ALK: variants seen among roughly 807,000 people sequenced by gnomAD.
The protein encoded by ALK is ALK receptor tyrosine kinase.
A neutral mutation model predicts 163.1 loss-of-function variants in ALK; 74 were observed. The ratio of observed to expected loss-of-function variants is 0.45; its 90% CI spans 0.38 to 0.55. ALK has a LOEUF of 0.55. Ranked by LOEUF, ALK falls within the 20% of genes least tolerant of loss-of-function variation. The pLI is 0.00. For synonymous variants in ALK, 960 were observed against 843.2 expected, an observed-to-expected ratio of 1.14 and a Z score of -2.40; for missense variants, 2,063 against 2,105.3, an observed-to-expected ratio of 0.98 and a Z score of 0.39.
At chr2:29,247,849 CCTTT>C (rs976848789) in intron 12 of ALK, among the ~76,000 whole-genome samples, 26 of 152,248 alleles carry the variant, frequency 1.7e-4, no homozygotes, top group African/African-American at 6.0e-4. Context: ...TCGGCTCCCA[CCTTT>C]CTGTTTCCAA....
chr2:29,814,024 C>T (rs111703547), intron 1 of ALK, among the ~76,000 whole-genome samples: 2,100 of 152,260 alleles, frequency 0.014, 46 homozygotes, highest in African/African-American at 0.048. Context: ...TGATTTCTCC[C>T]ACAGTGGTAC....
At chr2:29,347,989 G>T (rs1668001134) in intron 5 of ALK, among the ~76,000 whole-genome samples, 1 of 152,178 alleles carries the variant, frequency 6.6e-6, no homozygotes, top group Non-Finnish European at 1.5e-5. Flanking sequence ...AAGAACCTCT[G>T]CCATGAGGGT....
chr2:29,783,843 T>A (rs1004217515), intron 1 of ALK, among the ~76,000 whole-genome samples: 1 of 152,136 alleles, frequency 6.6e-6, no homozygotes, highest in Non-Finnish European at 1.5e-5. Context: ...GACAAAGTGT[T>A]GTTACGGAGC....
chr2:29,563,585 A>G (rs1253644315), intron 3 of ALK, among the ~76,000 whole-genome samples: 3 of 152,208 alleles, frequency 2.0e-5, no homozygotes, highest in Admixed American at 6.5e-5. Flanking sequence ...TTTGTAACAT[A>G]CAAACCAAGA....
At chr2:29,540,576 TTA>T (rs564615227) in intron 3 of ALK, among the ~76,000 whole-genome samples, 2,055 of 115,314 alleles carry the variant, frequency 0.018, 47 homozygotes, top group African/African-American at 0.062. Context: ...AAGAGAAGAA[TTA>T]TGTTTTTTTT....
At chr2:29,448,129 CT>C (rs1227210958) in intron 4 of ALK, among the ~76,000 whole-genome samples, 1 of 152,176 alleles carries the variant, frequency 6.6e-6, no homozygotes, top group Non-Finnish European at 1.5e-5. Context: ...ACCATACTGA[CT>C]TTTTTTCCTT....
chr2:29,421,723 G>C (rs1002567285), intron 4 of ALK, among the ~76,000 whole-genome samples: 2 of 151,488 alleles, frequency 1.3e-5, no homozygotes, highest in Non-Finnish European at 2.9e-5. Flanking sequence ...AGAGACCAGA[G>C]TGTCTGCTTC....
At chr2:29,713,143 T>C (rs1679156303) in intron 2 of ALK, among the ~76,000 whole-genome samples, 1 of 152,224 alleles carries the variant, frequency 6.6e-6, no homozygotes, top group African/African-American at 2.4e-5. Flanking sequence ...CACATCACTC[T>C]AATTTCTGAT....
intron 2 of ALK, among the ~76,000 whole-genome samples, chr2:29,705,629 A>G (rs1214639005): frequency 6.6e-6 from 1 of 152,100 alleles, no homozygotes; most frequent in Non-Finnish European, 1.5e-5. Context: ...CAGGCTCCCA[A>G]GTTGGAAATT....
intron 7 of ALK, among the ~76,000 whole-genome samples, chr2:29,319,475 G>A (rs1192981096): frequency 1.3e-5 from 2 of 152,186 alleles, no homozygotes; most frequent in Non-Finnish European, 2.9e-5. Flanking sequence ...GCAGGCAGGC[G>A]GGTCACAATT....
intron 3 of ALK, among the ~76,000 whole-genome samples, chr2:29,578,280 C>A (rs1411987015): frequency 6.6e-6 from 1 of 152,194 alleles, no homozygotes; most frequent in Non-Finnish European, 1.5e-5. Context: ...TGAGGCCTCC[C>A]CAGCCATCTG....
In ALK at chr2:29,695,064, C is replaced by T. The variant is rs1178534121; in HGVS notation, c.788-50G>A. On this transcript the variant is annotated intron_variant, in intron 2 of 28. Coordinates refer to ENST00000389048, the MANE Select transcript of ALK (RefSeq NM_004304.5). Reference sequence around the variant, plus strand: ...GGAAAAAACCATTTCCCAAACGTGACTTTTCAGCCCCCTCCACTCCACACT... The same window carrying T: ...GGAAAAAACCATTTCCCAAACGTGATTTTTCAGCCCCCTCCACTCCACACT... 4.3e-6 allele frequency: 7 copies of T among 1,610,866 alleles called. No individual in the cohort carries two copies. The East Asian group carries it at 1.6e-4, about 36-fold the overall frequency.
At chr2:29,601,694 G>T (rs1382144128) in intron 3 of ALK, among the ~76,000 whole-genome samples, 11 of 152,138 alleles carry the variant, frequency 7.2e-5, no homozygotes, top group Admixed American at 6.5e-4. Flanking sequence ...AAAGCAGGCA[G>T]GAAAGTCATG....
At chr2:29,631,522 G>C (rs1573513069) in intron 3 of ALK, among the ~76,000 whole-genome samples, 1 of 152,204 alleles carries the variant, frequency 6.6e-6, no homozygotes, top group South Asian at 2.1e-4. Flanking sequence ...ACACAGGACT[G>C]GAACAGGAGT....
At chr2:29,872,828 A>C (rs1666613738) in intron 1 of ALK, among the ~76,000 whole-genome samples, 1 of 152,230 alleles carries the variant, frequency 6.6e-6, no homozygotes, top group Admixed American at 6.5e-5. Flanking sequence ...TCTGCCATAG[A>C]TCTGCCCAAA....
At position 29,227,310 on chromosome 2, in the gene ALK, G is replaced by C. The variant is rs908409502; in HGVS notation, c.2915-236C>G. Among the ~76,000 whole-genome samples, 1 of 152,212 alleles carries C rather than the reference G, an allele frequency of 6.6e-6. No individual in the cohort carries two copies. The highest frequency in any genetic ancestry group is 1.5e-5 in the Non-Finnish European group (1 of 68,034). ...GCTTTTGAGTCAGTGGTGGAGAGAA[G>C]CCCACGCACATGATCTTTAGGTTGG... On this transcript the variant is annotated intron_variant, in intron 17 of 28. Coordinates refer to ENST00000389048, the MANE Select transcript of ALK (RefSeq NM_004304.5). This position sits in a 1 kb window ranked among gnomAD's most constrained non-coding sequence, Gnocchi z 4.4.
At chr2:29,890,122 T>C (rs1423697203) in intron 1 of ALK, among the ~76,000 whole-genome samples, 1 of 152,210 alleles carries the variant, frequency 6.6e-6, no homozygotes, top group Non-Finnish European at 1.5e-5. Flanking sequence ...TCTTGACAAT[T>C]GACTCTATGC....
At chr2:29,698,262 G>A (rs1678630911) in intron 2 of ALK, among the ~76,000 whole-genome samples, 1 of 152,148 alleles carries the variant, frequency 6.6e-6, no homozygotes, top group Non-Finnish European at 1.5e-5. Context: ...AGACTGCAAA[G>A]AGAAAACTGG....
intron 1 of ALK, among the ~76,000 whole-genome samples, chr2:29,824,083 G>C (rs1665126860): frequency 6.6e-6 from 1 of 152,210 alleles, no homozygotes; most frequent in Non-Finnish European, 1.5e-5. Context: ...ACTAACAGGA[G>C]CCAAGGTATA....
Sources: gnomAD v4.1 joint callset for allele counts (sites outside exome capture counted in the v4.1 genomes callset) on GRCh38, gnomAD v4.1.1 for gene constraint, Gnocchi (gnomAD v3.1) non-coding constraint, MANE v1.5 for transcripts, NCBI Gene and HGNC (gene_info 2026-07-23, HGNC 2026-07-21) for gene names.